TRAF5: variants seen among roughly 807,000 people sequenced by gnomAD.
The protein encoded by TRAF5 is TNF receptor associated factor 5.
Under a neutral mutation model 64.5 loss-of-function variants are expected in TRAF5, and 48 were observed. That is an observed-to-expected ratio of 0.74 (90% CI 0.59 to 0.95). The LOEUF (loss-of-function observed/expected upper bound fraction) is 0.95. Among genes scored for constraint, TRAF5 ranks in the 40% least tolerant of loss-of-function variants. The probability of loss-of-function intolerance (pLI) is 0.00; values close to 1 mark genes in which losing one functional copy is unlikely to be tolerated. For synonymous variants in TRAF5, 206 were observed against 240.5 expected, an observed-to-expected ratio of 0.86 and a Z score of 1.33; for missense variants, 545 against 662.8, an observed-to-expected ratio of 0.82 and a Z score of 1.95.
At chr1:211,354,139 G>T (rs4951522) in intron 2 of TRAF5, among the ~76,000 whole-genome samples, 26 of 152,116 alleles carry the variant, frequency 1.7e-4, no homozygotes, top group African/African-American at 5.8e-4. Context: ...GTGGCACAGC[G>T]TGATAAACAA....
chr1:211,365,475 C>A lies in TRAF5; in HGVS notation c.789+7C>A. The stretch of plus-strand genomic sequence containing the variant: ...TGTCCAATTAGAAGAACAGGTAAAT[C>A]TTCAAAGGTTCAAATAAAAAGTGAG... On this transcript the variant is annotated splice_region_variant and intron_variant, in intron 8 of 10. Coordinates refer to ENST00000261464, the MANE Select transcript of TRAF5 (RefSeq NM_001033910.3). 2 of 1,608,326 alleles carry A rather than the reference C, an allele frequency of 1.2e-6. No individual in the cohort carries two copies. Among genetic ancestry groups the A allele is most frequent in the Non-Finnish European group, 1.7e-6 (2 of 1,175,980 alleles).
rs139643718 is a variant in TRAF5 at position 211,372,651 on chromosome 1, C to T, written c.1623C>T (p.Asp541=). ...ENAKNAYIKD[D]TLFLKVAVDL... Reference sequence around the variant, plus strand: ...CCAAGAACGCCTACATTAAAGATGACACTCTGTTCTTGAAAGTGGCCGTGG... The same window carrying T: ...CCAAGAACGCCTACATTAAAGATGATACTCTGTTCTTGAAAGTGGCCGTGG... The change falls in exon 11 of 11, where the codon GAC becomes GAT. Residue 541 remains aspartate, a synonymous_variant. Transcript: ENST00000261464. The T allele has an allele frequency of 1.4e-4, 220 of 1,614,064 alleles. 1 individual carries two copies. Among genetic ancestry groups the T allele is most frequent in the Non-Finnish European group, 4.3e-5 (51 of 1,180,044 alleles).
chr1:211,351,267 C>T (rs1702779477), intron 1 of TRAF5, among the ~76,000 whole-genome samples: 1 of 151,946 alleles, frequency 6.6e-6, no homozygotes, highest in Admixed American at 6.6e-5. Context: ...ACCTCATGAT[C>T]CGCCTGCCTC....
chr1:211,364,024 G>T (rs922326633), intron 7 of TRAF5, among the ~76,000 whole-genome samples: 4 of 151,860 alleles, frequency 2.6e-5, no homozygotes, highest in Admixed American at 6.6e-5. Context: ...CAGCACCAGA[G>T]CTTGGGATGG....
intron 1 of TRAF5, among the ~76,000 whole-genome samples, chr1:211,328,948 G>A (rs115613644): frequency 1.5e-3 from 228 of 152,286 alleles, no homozygotes; most frequent in African/African-American, 5.4e-3. Context: ...ACCAGGATCA[G>A]AGCATTGAGG....
In TRAF5 at chr1:211,353,379, T is replaced by A. The variant is rs1406691392; in HGVS notation, c.140T>A (p.Phe47Tyr). The A allele has an allele frequency of 1.2e-6, 2 of 1,614,164 alleles. No homozygotes were observed. Among genetic ancestry groups the A allele is most frequent in the Non-Finnish European group, 1.7e-6 (2 of 1,180,034 alleles). ...TTGGAAGAGCGCTACAAATGTGCCTTCTGCCACTCGGTGCTTCACAACCCC... is the reference window on the plus strand; with the variant it reads ...TTGGAAGAGCGCTACAAATGTGCCTACTGCCACTCGGTGCTTCACAACCCC... Reference protein sequence around the residue: ...ERLEERYKCAFCHSVLHNPHQ... With the variant: ...ERLEERYKCAYCHSVLHNPHQ... Residue 47 changes from phenylalanine to tyrosine, a missense_variant, in exon 2 of 11, where the codon TTC becomes TAC. By Grantham distance (22) the Phe-to-Tyr change is conservative. Coordinates refer to ENST00000261464, the MANE Select transcript of TRAF5 (RefSeq NM_001033910.3).
chr1:211,331,757 G>A (rs893876705), intron 1 of TRAF5, among the ~76,000 whole-genome samples: 9 of 151,592 alleles, frequency 5.9e-5, no homozygotes, highest in African/African-American at 1.5e-4. Context: ...CCTCTGCCTC[G>A]CGGGTTCAAG....
intron 6 of TRAF5, 116 bp downstream of exon 6, chr1:211,360,895 T>G: frequency 9.7e-7 from 1 of 1,033,218 alleles, no homozygotes; most frequent in Non-Finnish European, 1.5e-6. Flanking sequence ...ATTACACGCA[T>G]GACCATGACG....
At chr1:211,328,760 T>C (rs1406062249) in intron 1 of TRAF5, among the ~76,000 whole-genome samples, 1 of 152,190 alleles carries the variant, frequency 6.6e-6, no homozygotes, top group Non-Finnish European at 1.5e-5. Flanking sequence ...GGAAAAATAA[T>C]TATTTGTTTG....
At chr1:211,370,434 T>C (rs1483935679) in intron 9 of TRAF5, among the ~76,000 whole-genome samples, 1 of 152,020 alleles carries the variant, frequency 6.6e-6, no homozygotes, top group Non-Finnish European at 1.5e-5. Flanking sequence ...ATACAATGTA[T>C]ATGTATGTGA....
At chr1:211,356,728 A>T (rs1177472630) in intron 4 of TRAF5, 3 of 324,944 alleles carry the variant, frequency 9.2e-6, no homozygotes, top group Non-Finnish European at 1.7e-5. Flanking sequence ...GGTAGGGATC[A>T]TTGAGCCAAA....
At chr1:211,352,617 C>A (rs2102741916) in intron 1 of TRAF5, among the ~76,000 whole-genome samples, 1 of 151,812 alleles carries the variant, frequency 6.6e-6, no homozygotes, top group African/African-American at 2.4e-5. Context: ...CAGAGTGAGA[C>A]CTTGTCTCTG....
At chr1:211,371,948 A>G (rs1703537908) in intron 10 of TRAF5, among the ~76,000 whole-genome samples, 180 bp from the exon 11 acceptor site, 1 of 152,232 alleles carries the variant, frequency 6.6e-6, no homozygotes, top group Non-Finnish European at 1.5e-5. Flanking sequence ...CCTTGGAGGC[A>G]CTGTGCCAAG....
At chr1:211,360,665 G>T in intron 5 of TRAF5, 37 bp from the exon 6 acceptor site, 1 of 1,550,856 alleles carries the variant, frequency 6.4e-7, no homozygotes. Context: ...GGCCATGAAA[G>T]ACAACCCTTT....
chr1:211,359,158 T>G (rs1703089710), intron 4 of TRAF5: 1 of 152,026 alleles, frequency 6.6e-6, no homozygotes, highest in African/African-American at 2.4e-5. Flanking sequence ...GGTCTCACTG[T>G]GTTGCCCAGG....
chr1:211,359,518 G>A (rs1187645198), intron 4 of TRAF5: 4 of 169,112 alleles, frequency 2.4e-5, no homozygotes, highest in Non-Finnish European at 5.1e-5. Context: ...CTGGAGGTTG[G>A]GATGAAGAGT....
At chr1:211,359,439 G>A (rs1259732974) in intron 4 of TRAF5, 1 of 152,546 alleles carries the variant, frequency 6.6e-6, no homozygotes, top group African/African-American at 2.4e-5. Flanking sequence ...GTTAGGATAT[G>A]CCCTTCTCTC....
At chr1:211,329,877 C>T (rs555772869) in intron 1 of TRAF5, among the ~76,000 whole-genome samples, 89 of 152,274 alleles carry the variant, frequency 5.8e-4, no homozygotes, top group African/African-American at 2.0e-3. Flanking sequence ...CTGCTGCTGC[C>T]GCTGCCACCA....
chr1:211,335,723 A>G (rs1702272198), intron 1 of TRAF5, among the ~76,000 whole-genome samples: 1 of 152,182 alleles, frequency 6.6e-6, no homozygotes, highest in Admixed American at 6.5e-5. Flanking sequence ...TGTTTCCGGA[A>G]GAGACAACAG....
Sources: gnomAD v4.1 joint callset for allele counts (sites outside exome capture counted in the v4.1 genomes callset) on GRCh38, gnomAD v4.1.1 for gene constraint, MANE v1.5 for transcripts, NCBI Gene and HGNC (gene_info 2026-07-23, HGNC 2026-07-21) for gene names.